The following SLC25A29 variants were observed in gnomAD, a reference collection of about 807,000 sequenced individuals.
SLC25A29 encodes mitochondrial basic amino acids transporter.
A neutral mutation model predicts 10.0 loss-of-function variants in SLC25A29; 13 were observed. That is an observed-to-expected ratio of 1.30 (90% CI 0.85 to 2.07). The LOEUF is 2.07. Ranked by LOEUF, SLC25A29 falls within the 30% of genes most tolerant of loss-of-function variation. SLC25A29 has a pLI of 0.00. For synonymous variants in SLC25A29, 244 were observed against 221.1 expected (o/e 1.10, Z -0.92); for missense variants, 475 against 447.6 (o/e 1.06, Z -0.55).
Position 100,293,044 on chromosome 14 carries a change from G to C in SLC25A29, c.163-12C>G, listed in dbSNP as rs527902115. On this transcript the variant is annotated splice_polypyrimidine_tract_variant and intron_variant, in intron 3 of 3. Transcript: ENST00000359232. Reference sequence around the variant, plus strand: ...TACAGGCCCAGCACCTGCGGGGACAGAGACGCCATCAGAGCCGGCAACGCG... The same window carrying C: ...TACAGGCCCAGCACCTGCGGGGACACAGACGCCATCAGAGCCGGCAACGCG... 1 of 1,521,754 alleles carries C rather than the reference G, an allele frequency of 6.6e-7. No individual in the cohort carries two copies. Among genetic ancestry groups the C allele is most frequent in the East Asian group, 2.3e-5 (1 of 43,194 alleles). 94.3% of individuals were successfully genotyped at this position (1,521,754 alleles called of 1,614,324 possible).
At chr14:100,284,449 T>A in the SLC25A29 span, among the ~76,000 whole-genome samples, 1 of 152,306 alleles carries the variant, frequency 6.6e-6, no homozygotes, top group East Asian at 1.9e-4. Flanking sequence ...TAACAGGGTC[T>A]CAGCACGTGA....
At position 100,306,344 on chromosome 14, in the gene SLC25A29, C is replaced by A; in HGVS notation, c.-112G>T. 1 of 1,087,370 alleles carries A rather than the reference C, an allele frequency of 9.2e-7. No individual in the cohort carries two copies. The allele number at this position is 1,087,370 out of a possible 1,614,324, so 67.4% of individuals were successfully genotyped here. A position where few individuals can be genotyped will look rare whatever the true frequency, so the allele number is the denominator to read the frequency against. On this transcript the variant is annotated 5_prime_UTR_variant, in exon 1 of 4. Coordinates refer to ENST00000359232, the MANE Select transcript of SLC25A29 (RefSeq NM_001039355.3). The stretch of plus-strand genomic sequence containing the variant: ...GCGCGGTGCCGGGGCTGGGCCTGGC[C>A]GCTCCTCCTGGCGCGGAGCCCGGGC...
At position 100,303,688 on chromosome 14, in the gene SLC25A29, G is replaced by A. The variant is rs797002286; in HGVS notation, c.34+2511C>T. 2.0e-5 allele frequency among the ~76,000 whole-genome samples: 3 copies of A among 151,990 alleles called. No individual in the cohort carries two copies. The East Asian group carries it at 5.8e-4, about 30-fold the overall frequency. The stretch of plus-strand genomic sequence containing the variant: ...CACGAGGAGGCCTCCAGTCACACCA[G>A]CAGAAGCGGAACCCTGTCTCCCAAC... On this transcript the variant is annotated intron_variant, in intron 1 of 3. Transcript: ENST00000359232.
the SLC25A29 span, among the ~76,000 whole-genome samples, chr14:100,284,710 A>T: frequency 6.6e-6 from 1 of 152,178 alleles, no homozygotes; most frequent in Admixed American, 6.5e-5. Flanking sequence ...TGGCACTGGC[A>T]TGACATCTGG....
chr14:100,293,405 A>T (rs1459460490), intron 2 of SLC25A29, 28 bp from the exon 3 acceptor site: 1 of 1,604,566 alleles, frequency 6.2e-7, no homozygotes, highest in Non-Finnish European at 8.5e-7. Flanking sequence ...AGTGAGAGGC[A>T]GGCAGGCAGG....
chr14:100,299,921 T>C, intron 1 of SLC25A29: 2 of 985,464 alleles, frequency 2.0e-6, no homozygotes, highest in South Asian at 4.7e-5. Context: ...GAAGTTACTA[T>C]GCATCTCCAC....
rs1182992208 is a variant in SLC25A29, at chr14:100,299,152, C to T, written c.35-267G>A. On this transcript the variant is annotated intron_variant, in intron 1 of 3. Transcript: ENST00000359232. ...GTCCCATCTGCAGGCTGCTGCTCTCCGCGGCTGACTGGTCTGGGTGGCTGA... is the reference window on the plus strand; with the variant it reads ...GTCCCATCTGCAGGCTGCTGCTCTCTGCGGCTGACTGGTCTGGGTGGCTGA... 72 of 1,354,650 alleles carry T rather than the reference C, an allele frequency of 5.3e-5. 2 individuals are homozygous for T. In the South Asian group the frequency reaches 7.2e-4, roughly 14 times the overall value. The allele number at this position is 1,354,650 out of a possible 1,614,324, so 83.9% of individuals were successfully genotyped here.
At chr14:100,301,533 T>G (rs557796053) in intron 1 of SLC25A29, among the ~76,000 whole-genome samples, 58 of 151,988 alleles carry the variant, frequency 3.8e-4, no homozygotes, top group African/African-American at 1.4e-3. Context: ...TTATTTTTAT[T>G]TATTTATTTT....
Position 100,292,762 on chromosome 14 carries a change from C to T in SLC25A29, c.433G>A (p.Glu145Lys), listed in dbSNP as rs747539403. 6.2e-6 allele frequency: 10 copies of T among 1,601,172 alleles called. No individual in the cohort carries two copies. The highest frequency in any genetic ancestry group is 8.5e-6 in the Non-Finnish European group (10 of 1,175,264). ...LDCLAQIYGHEGLRGVNRGMV... is the reference protein window; with the variant it reads ...LDCLAQIYGHKGLRGVNRGMV... ...CCCCGGTTGACGCCACGCAGACCCT[C>T]GTGCCCGTAGATCTGCGCGAGGCAG... Residue 145 changes from glutamate to lysine, a missense_variant, in exon 4 of 4, where the codon GAG becomes AAG. Transcript: ENST00000359232.
chr14:100,306,108 G>T, intron 1 of SLC25A29, 91 bp downstream of exon 1: 1 of 979,080 alleles, frequency 1.0e-6, no homozygotes, highest in Non-Finnish European at 1.4e-6. Flanking sequence ...ACCCCCGCCA[G>T]CGGGAAGCCG....
At chr14:100,297,774 G>T (rs1038977571) in intron 2 of SLC25A29, among the ~76,000 whole-genome samples, 1 of 152,248 alleles carries the variant, frequency 6.6e-6, no homozygotes, top group African/African-American at 2.4e-5. Flanking sequence ...AAGAGTTGTG[G>T]TTTTCAGAGC....
chr14:100,283,644 G>A, the SLC25A29 span, among the ~76,000 whole-genome samples: 3 of 151,710 alleles, frequency 2.0e-5, no homozygotes, highest in Admixed American at 6.6e-5. Flanking sequence ...CACCATGCCC[G>A]GCTAATTTTG....
At position 100,292,678 on chromosome 14, in the gene SLC25A29, C is replaced by T. The variant is rs776344662; in HGVS notation, c.517G>A (p.Asp173Asn). The change falls in exon 4 of 4, where the codon GAC becomes AAC. Residue 173 changes from aspartate (D) to asparagine (N), a missense_variant. By Grantham distance (23) the Asp-to-Asn change is conservative. Coordinates refer to ENST00000359232, the MANE Select transcript of SLC25A29 (RefSeq NM_001039355.3). ...PSFGVYFLTY[D>N]ALTRALGCEP... is the part of the protein sequence containing the mutation. Reference sequence around the variant, plus strand: ...CAGCCCAGCGCCCGCGTGAGAGCGTCATAGGTGAGGAAGTAGACGCCGAAG... The same window carrying T: ...CAGCCCAGCGCCCGCGTGAGAGCGTTATAGGTGAGGAAGTAGACGCCGAAG... 1.2e-6 allele frequency: 2 copies of T among 1,602,692 alleles called. No individual in the cohort carries two copies. The highest frequency in any genetic ancestry group is 1.7e-5 in the Admixed American group (1 of 58,182).
At chr14:100,298,672 C>T (rs1419745303) in intron 2 of SLC25A29, 170 bp downstream of exon 2, 2 of 833,092 alleles carry the variant, frequency 2.4e-6, no homozygotes, top group African/African-American at 1.7e-5. Flanking sequence ...GTGGATCAGC[C>T]CCAGCTGGGA....
At chr14:100,287,629 C>T (rs896700304), downstream of SLC25A29, among the ~76,000 whole-genome samples, 8 of 50,472 alleles carry the variant, frequency 1.6e-4, no homozygotes, top group Non-Finnish European at 1.7e-4. Context: ...TGGAGCACCA[C>T]CCCCCCCCTC....
chr14:100,304,553 G>A (rs1892783714), intron 1 of SLC25A29, among the ~76,000 whole-genome samples: 1 of 152,070 alleles, frequency 6.6e-6, no homozygotes, highest in South Asian at 2.1e-4. Flanking sequence ...GGGGTTGCAC[G>A]AAAAGCAGGG....
the SLC25A29 span, among the ~76,000 whole-genome samples, chr14:100,284,290 CAGT>C: frequency 6.6e-6 from 1 of 152,138 alleles, no homozygotes; most frequent in African/African-American, 2.4e-5. Flanking sequence ...GTTTATGGAG[CAGT>C]GCATCGGCCT....
chr14:100,301,972 G>C lies in SLC25A29; in HGVS notation c.35-3087C>G, dbSNP rs567454502. On this transcript the variant is annotated intron_variant, in intron 1 of 3. Transcript: ENST00000359232. ...TTGACATTTTCCTCATTGAGACCGT[G>C]AGACTCAATGCACAACGATGCCCTC... Among the ~76,000 whole-genome samples the C allele has an allele frequency of 2.2e-3, 339 of 151,992 alleles. 1 individual carries two copies. The highest frequency in any genetic ancestry group is 7.9e-3 in the African/African-American group (327 of 41,436).
chr14:100,289,114 C>G (rs994525312), downstream of SLC25A29, among the ~76,000 whole-genome samples: 1 of 152,212 alleles, frequency 6.6e-6, no homozygotes, highest in African/African-American at 2.4e-5. Context: ...CCCCCAGAAG[C>G]TTGGAAGAAG....
Sources: allele counts gnomAD v4.1 joint callset (sites outside exome capture counted in the v4.1 genomes callset), GRCh38; gene constraint gnomAD v4.1.1; transcripts MANE v1.5; gene names NCBI Gene and HGNC (gene_info 2026-07-23, HGNC 2026-07-21).